ARHGAP6: variants seen among roughly 807,000 people sequenced by gnomAD.
The protein encoded by ARHGAP6 is Rho GTPase activating protein 6.
A neutral mutation model predicts 55.7 loss-of-function variants in ARHGAP6; 16 were observed. That is an observed-to-expected ratio of 0.29 (90% CI 0.19 to 0.44). ARHGAP6 has a LOEUF of 0.44. Among genes scored for constraint, ARHGAP6 ranks in the 20% least tolerant of loss-of-function variants. The pLI is 1.00. For synonymous variants in ARHGAP6, 382 were observed against 360.9 expected, an observed-to-expected ratio of 1.06 and a Z score of -0.66; for missense variants, 698 against 808.9, an observed-to-expected ratio of 0.86 and a Z score of 1.66.
intron 1 of ARHGAP6, among the ~76,000 whole-genome samples, chrX:11,256,448 G>C (rs1469521602): frequency 9.0e-6 from 1 of 111,692 alleles, no homozygotes; most frequent in Non-Finnish European, 1.9e-5. Context: ...ACTGGTCCCA[G>C]CAACAAAGTG....
chrX:11,539,862 T>A (rs2051140197), intron 1 of ARHGAP6, among the ~76,000 whole-genome samples: 1 of 111,573 alleles, frequency 9.0e-6, no homozygotes, highest in South Asian at 3.8e-4. Flanking sequence ...AGAATGAAAA[T>A]CAATAAGCTT....
chrX:11,600,926 T>C (rs760609027), intron 1 of ARHGAP6, among the ~76,000 whole-genome samples: 9 of 111,481 alleles, frequency 8.1e-5, no homozygotes, highest in Non-Finnish European at 1.3e-4. Context: ...GATTTCCTAG[T>C]AAAACTAAGG....
chrX:11,322,368 TC>T lies in ARHGAP6; in HGVS notation c.589-67662del, dbSNP rs199607725. Among the ~76,000 whole-genome samples the T allele has an allele frequency of 4.2e-3, 458 of 107,804 alleles. 3 individuals are homozygous for T. Among genetic ancestry groups the T allele is most frequent in the Non-Finnish European group, 4.7e-3 (246 of 51,800 alleles). The allele number at this position is 107,804 out of a possible 115,157, so 93.6% of individuals were successfully genotyped here. ...GTGAAAAACACTGATAGCATATTTT[TC>T]TTTTTTGAGACAGAGTTTCACTCTT... On this transcript the variant is annotated intron_variant, in intron 1 of 12. Transcript: ENST00000337414.
At chrX:11,399,673 T>C (rs993166999) in intron 1 of ARHGAP6, among the ~76,000 whole-genome samples, 1 of 112,215 alleles carries the variant, frequency 8.9e-6, no homozygotes, top group African/African-American at 3.2e-5. Context: ...CTGGCAGCTC[T>C]TCAAAAGTTT....
chrX:11,354,393 C>A (rs995937741), intron 1 of ARHGAP6, among the ~76,000 whole-genome samples: 1 of 96,019 alleles, frequency 1.0e-5, no homozygotes, highest in East Asian at 3.3e-4. Flanking sequence ...TAACCATGAT[C>A]ACCACCACCA....
chrX:11,493,888 T>C (rs750031684), intron 1 of ARHGAP6, among the ~76,000 whole-genome samples: 9 of 101,112 alleles, frequency 8.9e-5, no homozygotes, highest in Non-Finnish European at 1.6e-4. Context: ...GGCTGGAGTA[T>C]AATAGCAGGA....
chrX:11,251,604 A>G (rs1285359258), intron 2 of ARHGAP6, among the ~76,000 whole-genome samples: 1 of 112,330 alleles, frequency 8.9e-6, no homozygotes, highest in Non-Finnish European at 1.9e-5. Flanking sequence ...GAGCTTGACT[A>G]TGTGTCCATT....
intron 1 of ARHGAP6, among the ~76,000 whole-genome samples, chrX:11,438,087 C>T (rs2050004362): frequency 8.9e-6 from 1 of 112,544 alleles, no homozygotes; most frequent in South Asian, 3.7e-4. Flanking sequence ...CTGATAAATG[C>T]TTTGACTGAC....
chrX:11,274,113 T>C (rs187728142), intron 1 of ARHGAP6, among the ~76,000 whole-genome samples: 40 of 111,655 alleles, frequency 3.6e-4, no homozygotes, highest in African/African-American at 1.3e-3. Flanking sequence ...CTTGCTCTCC[T>C]ACTCAAGAAA....
intron 1 of ARHGAP6, among the ~76,000 whole-genome samples, chrX:11,461,980 A>G (rs186359760): frequency 8.9e-6 from 1 of 112,285 alleles, no homozygotes; most frequent in African/African-American, 3.2e-5. Flanking sequence ...CATCTCTGGA[A>G]GTCAAAATAT....
chrX:11,160,043 A>G, intron 9 of ARHGAP6, among the ~76,000 whole-genome samples: 1 of 111,515 alleles, frequency 9.0e-6, no homozygotes, highest in African/African-American at 3.3e-5. Context: ...TAGGACAAAA[A>G]TGTATGTCCC....
intron 1 of ARHGAP6, among the ~76,000 whole-genome samples, chrX:11,364,067 C>G: frequency 9.0e-6 from 1 of 111,591 alleles, no homozygotes; most frequent in Non-Finnish European, 1.9e-5. Flanking sequence ...ACGGATGGAA[C>G]TAGAGGCCAT....
intron 1 of ARHGAP6, among the ~76,000 whole-genome samples, chrX:11,609,263 G>A (rs2052073805): frequency 8.9e-6 from 1 of 111,813 alleles, no homozygotes; most frequent in South Asian, 3.7e-4. Context: ...GTCCAAGGGA[G>A]GAAGTGAAAT....
chrX:11,652,831 C>G (rs907690976), intron 1 of ARHGAP6, among the ~76,000 whole-genome samples: 1 of 111,660 alleles, frequency 9.0e-6, no homozygotes, highest in African/African-American at 3.3e-5. Flanking sequence ...GATTTAAGCA[C>G]GACATGGATG....
chrX:11,537,930 C>T (rs1213135758), intron 1 of ARHGAP6, among the ~76,000 whole-genome samples: 2 of 110,032 alleles, frequency 1.8e-5, no homozygotes, highest in African/African-American at 6.6e-5. Context: ...ATAATTTTGA[C>T]CTCAAGGAAC....
chrX:11,568,577 C>T lies in ARHGAP6; in HGVS notation c.588+95664G>A, dbSNP rs2051473643. On this transcript the variant is annotated intron_variant, in intron 1 of 12. Transcript: ENST00000337414. ...TTCGAAACCAGCCTGGCCAACATGG[C>T]AAAACCCTGTCTCTACTAAAAATAC... Among the ~76,000 whole-genome samples the T allele has an allele frequency of 4.5e-5, 5 of 110,925 alleles. No homozygotes were observed. In the South Asian group the frequency reaches 1.9e-3, roughly 43 times the overall value.
At chrX:11,419,939 A>G (rs2049798800) in intron 1 of ARHGAP6, among the ~76,000 whole-genome samples, 1 of 112,312 alleles carries the variant, frequency 8.9e-6, no homozygotes, top group African/African-American at 3.2e-5. Flanking sequence ...CATCCCAAAC[A>G]CTCAAATTTT....
intron 8 of ARHGAP6, among the ~76,000 whole-genome samples, chrX:11,174,590 C>CT (rs754738919): frequency 1.6e-5 from 1 of 63,990 alleles, no homozygotes; most frequent in Non-Finnish European, 3.2e-5. Context: ...TTCTTTCTTT[C>CT]TTTTTCTTTC....
intron 1 of ARHGAP6, among the ~76,000 whole-genome samples, chrX:11,336,976 C>T (rs1420691472): frequency 1.8e-5 from 2 of 110,981 alleles, no homozygotes; most frequent in African/African-American, 6.6e-5. Context: ...GTTTACTTCA[C>T]CCCTCACAGT....
Sources: allele counts gnomAD v4.1 joint callset (sites outside exome capture counted in the v4.1 genomes callset), GRCh38; gene constraint gnomAD v4.1.1; transcripts MANE v1.5; gene names NCBI Gene and HGNC (gene_info 2026-07-23, HGNC 2026-07-21).